Variants in PFKFB4 observed in about 807,000 individuals in gnomAD.
PFKFB4 encodes the protein 6-phosphofructo-2-kinase/fructose-2,6-bisphosphatase 4.
Under a neutral mutation model 62.8 loss-of-function variants are expected in PFKFB4, and 42 were observed. That is an observed-to-expected ratio of 0.67 (90% CI 0.52 to 0.86). The LOEUF is 0.86. Among genes scored for constraint, PFKFB4 ranks in the 40% least tolerant of loss-of-function variants. The pLI is 0.00. For synonymous variants in PFKFB4, 204 were observed against 240.7 expected (o/e 0.85, Z 1.41); for missense variants, 475 against 627.2 (o/e 0.76, Z 2.59).
intron 3 of PFKFB4, among the ~76,000 whole-genome samples, 180 bp downstream of exon 3, chr3:48,549,684 G>T (rs1456758127): frequency 1.3e-5 from 2 of 151,384 alleles, no homozygotes; most frequent in African/African-American, 4.9e-5. Flanking sequence ...GACCAGCCTT[G>T]TCACACAGCC....
Position 48,549,931 on chromosome 3 carries a change from C to T in PFKFB4, c.244G>A (p.Val82Met), listed in dbSNP as rs749211693. The T allele has an allele frequency of 3.7e-6, 6 of 1,613,598 alleles. No homozygotes were observed. Among genetic ancestry groups the T allele is most frequent in the East Asian group, 2.2e-5 (1 of 44,888 alleles). The change falls in exon 3 of 14, where the codon GTG (valine) becomes ATG (methionine). Residue 82 changes from valine (V) to methionine (M), a missense_variant. By Grantham distance (21) the Val-to-Met change is conservative (BLOSUM62 1). Transcript: ENST00000232375. ...TCAAAAGATTTGTAGGTCTTGACCA[C>T]GTCCCGGCGATACTGGCCAACATTG... ...EFNVGQYRRD[V>M]VKTYKSFEFF...
chr3:48,536,727 G>A lies in PFKFB4; in HGVS notation c.633-264C>T. ...ATGCTTCCCAAAGGTGACATCCAAA[G>A]TGGGGGGTCCGCCATACCACATCAT... On this transcript the variant is annotated intron_variant, in intron 7 of 13. Transcript: ENST00000232375. 3 of 477,674 alleles carry A rather than the reference G, an allele frequency of 6.3e-6. No homozygotes were observed. The South Asian group carries it at 9.2e-5, about 15-fold the overall frequency. The allele number at this position is 477,674 out of a possible 1,614,324, so 29.6% of individuals were successfully genotyped here.
At chr3:48,555,632 C>A (rs1284898679) in intron 1 of PFKFB4, among the ~76,000 whole-genome samples, 1 of 152,276 alleles carries the variant, frequency 6.6e-6, no homozygotes, top group East Asian at 1.9e-4. Flanking sequence ...CCAGGACCCA[C>A]GCCTGTAATC....
chr3:48,536,776 C>T (rs2042633659), intron 7 of PFKFB4: 1 of 356,372 alleles, frequency 2.8e-6, no homozygotes, highest in African/African-American at 2.0e-5. Flanking sequence ...GCTCATGTGT[C>T]CCTGGGGCCC....
chr3:48,540,021 C>A (rs1464375206), intron 4 of PFKFB4, among the ~76,000 whole-genome samples: 2 of 152,202 alleles, frequency 1.3e-5, no homozygotes, highest in East Asian at 1.9e-4. Context: ...GTGCTCCCAG[C>A]AGGGGAGCAG....
At chr3:48,541,909 A>T (rs2042810895) in intron 4 of PFKFB4, among the ~76,000 whole-genome samples, 1 of 152,060 alleles carries the variant, frequency 6.6e-6, no homozygotes, top group Admixed American at 6.6e-5. Flanking sequence ...GGCTGCAGTG[A>T]GCTATGATTG....
upstream of PFKFB4, chr3:48,557,087 G>T: frequency 1.4e-6 from 1 of 740,608 alleles, no homozygotes; most frequent in South Asian, 2.6e-5. Context: ...TTCAAGGCCC[G>T]GATTGTGCAG....
At chr3:48,546,126 T>C (rs1012808234) in intron 3 of PFKFB4, among the ~76,000 whole-genome samples, 2 of 152,106 alleles carry the variant, frequency 1.3e-5, no homozygotes, top group African/African-American at 4.8e-5. Context: ...AGTGTGTACA[T>C]GTAAATCTGT....
chr3:48,559,566 T>A (rs1269623611), upstream of PFKFB4: 1 of 457,110 alleles, frequency 2.2e-6, no homozygotes, highest in East Asian at 6.9e-5. Context: ...GTCTGCTCTC[T>A]CAGCATCAGC....
intron 7 of PFKFB4, among the ~76,000 whole-genome samples, chr3:48,537,965 T>G (rs982867509): frequency 6.6e-6 from 1 of 152,234 alleles, no homozygotes; most frequent in South Asian, 2.1e-4. Context: ...CACCAAGGGC[T>G]ACATTATTAT....
chr3:48,536,740 C>A (rs1424211280), intron 7 of PFKFB4: 2 of 444,908 alleles, frequency 4.5e-6, no homozygotes, highest in Non-Finnish European at 8.2e-6. Flanking sequence ...GGGGGTCCGC[C>A]ATACCACATC....
At chr3:48,562,650 C>T, upstream of PFKFB4, 1 of 846,718 alleles carries the variant, frequency 1.2e-6, no homozygotes, top group Non-Finnish European at 1.8e-6. This position sits in a 1 kb window ranked among gnomAD's most constrained non-coding sequence, Gnocchi z 4.3. Flanking sequence ...TGGCAGTGTC[C>T]AGACACTGTA....
upstream of PFKFB4, chr3:48,556,909 G>A: frequency 7.0e-7 from 1 of 1,418,590 alleles, no homozygotes; most frequent in Non-Finnish European, 9.2e-7. This position sits in a 1 kb window ranked among gnomAD's most constrained non-coding sequence, Gnocchi z 5.7. Flanking sequence ...CTTCCCGCAG[G>A]TCCCGCCCCA....
intron 9 of PFKFB4, among the ~76,000 whole-genome samples, chr3:48,526,500 G>A (rs9862906): frequency 0.056 from 8,435 of 150,922 alleles, 430 homozygotes; most frequent in African/African-American, 0.12. Flanking sequence ...ATGTACCCAA[G>A]AGGTGGAGAT....
intron 9 of PFKFB4, 24 bp downstream of exon 9, chr3:48,535,488 C>T (rs1313369126): frequency 6.2e-7 from 1 of 1,600,496 alleles, no homozygotes; most frequent in Admixed American, 1.7e-5. Context: ...GGGAGGTAGA[C>T]AGGGAGGGAG....
At chr3:48,530,922 G>A (rs985665129) in intron 9 of PFKFB4, among the ~76,000 whole-genome samples, 1 of 152,072 alleles carries the variant, frequency 6.6e-6, no homozygotes, top group African/African-American at 2.4e-5. Flanking sequence ...GGACAGGCTG[G>A]TCTCAAACTC....
At chr3:48,559,404 G>C (rs1004992526), upstream of PFKFB4, 23 of 410,986 alleles carry the variant, frequency 5.6e-5, no homozygotes, top group Non-Finnish European at 8.0e-5. Flanking sequence ...AAGGGTCCAA[G>C]ATCACAAAGC....
At chr3:48,542,152 G>A (rs1376427643) in intron 4 of PFKFB4, among the ~76,000 whole-genome samples, 1 of 151,896 alleles carries the variant, frequency 6.6e-6, no homozygotes, top group African/African-American at 2.4e-5. Flanking sequence ...CGAGACCATG[G>A]TGAAACCCCA....
chr3:48,552,401 C>T (rs1025598955), intron 1 of PFKFB4, among the ~76,000 whole-genome samples: 3 of 152,266 alleles, frequency 2.0e-5, no homozygotes, highest in African/African-American at 7.2e-5. Context: ...TGTGCATTCC[C>T]CTTGTTTAAA....
Sources: allele counts gnomAD v4.1 joint callset (sites outside exome capture counted in the v4.1 genomes callset), GRCh38; gene constraint gnomAD v4.1.1; non-coding constraint Gnocchi (gnomAD v3.1); transcripts MANE v1.5; gene names NCBI Gene and HGNC (gene_info 2026-07-23, HGNC 2026-07-21).